AGBL4: variants seen among roughly 807,000 people sequenced by gnomAD.
AGBL4 encodes cytosolic carboxypeptidase 6.
AGBL4 carries 58 observed loss-of-function variants against 66.4 expected under a neutral mutation model. That is an observed-to-expected ratio of 0.87 (90% CI 0.71 to 1.09). The LOEUF is 1.09. AGBL4 is among the 50% of genes least tolerant of loss of function. The pLI, the probability that AGBL4 is intolerant of heterozygous loss-of-function variation, is 0.00. For missense variants in AGBL4, 579 were observed against 631.0 expected (o/e 0.92, Z 0.88); for synonymous variants, 234 against 222.9 (o/e 1.05, Z -0.44).
intron 9 of AGBL4, 118 bp downstream of exon 9, chr1:48,634,375 C>A (rs1645635403): frequency 1.3e-6 from 1 of 767,914 alleles, no homozygotes; most frequent in Non-Finnish European, 2.1e-6. Flanking sequence ...CTAGTGCCTC[C>A]CTGGTTTTAG....
chr1:49,672,361 G>A (rs943250884), intron 3 of AGBL4, among the ~76,000 whole-genome samples: 1 of 151,886 alleles, frequency 6.6e-6, no homozygotes, highest in Admixed American at 6.6e-5. Flanking sequence ...GTGGGAGGAG[G>A]AAGAGGAGCA....
intron 2 of AGBL4, among the ~76,000 whole-genome samples, chr1:49,769,397 A>C (rs1367672806): frequency 6.6e-6 from 1 of 152,200 alleles, no homozygotes; most frequent in Non-Finnish European, 1.5e-5. Flanking sequence ...TGCCCAAAGC[A>C]AATTAAAAAT....
At chr1:49,677,849 A>G (rs1448957298) in intron 3 of AGBL4, among the ~76,000 whole-genome samples, 1 of 152,152 alleles carries the variant, frequency 6.6e-6, no homozygotes, top group Non-Finnish European at 1.5e-5. Flanking sequence ...GTGAACACAC[A>G]GCAAGAAGGT....
intron 3 of AGBL4, among the ~76,000 whole-genome samples, chr1:49,334,100 T>C (rs887993869): frequency 6.6e-6 from 1 of 152,206 alleles, no homozygotes; most frequent in Non-Finnish European, 1.5e-5. Context: ...CCTGAAGTCA[T>C]GTGCAAGCTG....
chr1:49,426,404 T>C (rs1284395987), intron 3 of AGBL4, among the ~76,000 whole-genome samples: 1 of 152,206 alleles, frequency 6.6e-6, no homozygotes, highest in Non-Finnish European at 1.5e-5. Flanking sequence ...ATTCTGGCCC[T>C]TTCTCCATTT....
intron 6 of AGBL4, among the ~76,000 whole-genome samples, chr1:48,847,753 A>ATTGGG: frequency 6.6e-6 from 1 of 152,160 alleles, no homozygotes; most frequent in Non-Finnish European, 1.5e-5. Flanking sequence ...AGAAATATGT[A>ATTGGG]TTGGGTTGAA....
rs1401914294 is a variant in AGBL4 at position 49,256,873 on chromosome 1, T to C, written c.283-11009A>G. On this transcript the variant is annotated intron_variant, in intron 3 of 13. Coordinates refer to ENST00000371839, the MANE Select transcript of AGBL4 (RefSeq NM_032785.4). ...ACAATATCGTAGATCAGATGAAAAT[T>C]TGAACTATAAATGAATGGTCCTGGA... Among the ~76,000 whole-genome samples the C allele has an allele frequency of 2.6e-5, 4 of 152,112 alleles. No individual in the cohort carries two copies. The South Asian group carries it at 8.3e-4, about 31-fold the overall frequency.
intron 3 of AGBL4, among the ~76,000 whole-genome samples, chr1:49,447,247 AG>A (rs1332699611): frequency 6.6e-6 from 1 of 152,192 alleles, no homozygotes; most frequent in Non-Finnish European, 1.5e-5. Flanking sequence ...AGCCCCAAAC[AG>A]GGAGGTCACA....
intron 5 of AGBL4, among the ~76,000 whole-genome samples, chr1:48,871,496 A>G (rs897549632): frequency 2.2e-4 from 34 of 151,980 alleles, no homozygotes; most frequent in Non-Finnish European, 1.3e-4. Flanking sequence ...GTGGGATTCT[A>G]TGGACTACTG....
intron 3 of AGBL4, among the ~76,000 whole-genome samples, chr1:49,678,532 T>C (rs935836721): frequency 4.6e-5 from 7 of 152,138 alleles, no homozygotes; most frequent in Non-Finnish European, 4.4e-5. Flanking sequence ...TATGATTTCT[T>C]TGAAGGAAGG....
intron 11 of AGBL4, among the ~76,000 whole-genome samples, chr1:48,578,037 G>A (rs1644681442): frequency 6.6e-6 from 1 of 152,012 alleles, no homozygotes; most frequent in African/African-American, 2.4e-5. Flanking sequence ...TGATTTTTTT[G>A]GGCTTCAATT....
chr1:48,957,874 A>T (rs1657612252), intron 5 of AGBL4, among the ~76,000 whole-genome samples: 1 of 152,192 alleles, frequency 6.6e-6, no homozygotes, highest in Non-Finnish European at 1.5e-5. Context: ...TTTCCAAAAC[A>T]CAACTCTGAC....
At chr1:49,039,077 G>A (rs1466822922) in intron 5 of AGBL4, among the ~76,000 whole-genome samples, 5 of 152,036 alleles carry the variant, frequency 3.3e-5, no homozygotes, top group Admixed American at 6.6e-5. Context: ...GTCACGAAGC[G>A]AAAGAAGCCA....
chr1:48,877,937 G>GGGCTTCATCTCTCTCTC (rs1484808087), intron 5 of AGBL4, among the ~76,000 whole-genome samples: 1 of 152,090 alleles, frequency 6.6e-6, no homozygotes, highest in African/African-American at 2.4e-5. Flanking sequence ...TTGAACAAAT[G>GGGCTTCATCTCTCTCTC]ACTTCATCTC....
chr1:49,245,419 G>A (rs1651562575), intron 4 of AGBL4, among the ~76,000 whole-genome samples: 1 of 151,162 alleles, frequency 6.6e-6, no homozygotes, highest in Non-Finnish European at 1.5e-5. Flanking sequence ...CTTTATTTAT[G>A]TTTCCAAAGA....
At chr1:48,946,163 T>C (rs969845400) in intron 5 of AGBL4, among the ~76,000 whole-genome samples, 1 of 152,148 alleles carries the variant, frequency 6.6e-6, no homozygotes, top group Non-Finnish European at 1.5e-5. Context: ...GTTATCTTAG[T>C]TGTTAATGTC....
At chr1:49,224,843 G>A (rs1198507113) in intron 4 of AGBL4, among the ~76,000 whole-genome samples, 2 of 152,098 alleles carry the variant, frequency 1.3e-5, no homozygotes, top group Middle Eastern at 3.2e-3. Context: ...GAGAAAGTGG[G>A]GTTGGGATAA....
At chr1:49,386,809 A>G (rs1644745747) in intron 3 of AGBL4, among the ~76,000 whole-genome samples, 1 of 151,938 alleles carries the variant, frequency 6.6e-6, no homozygotes, top group Non-Finnish European at 1.5e-5. Flanking sequence ...GGAACTTCAA[A>G]TTGGCTCTAT....
intron 3 of AGBL4, among the ~76,000 whole-genome samples, chr1:49,581,155 T>C (rs1370619183): frequency 1.3e-5 from 2 of 152,094 alleles, no homozygotes; most frequent in East Asian, 1.9e-4. Context: ...TGCACATATT[T>C]TATATTTACT....
Sources: allele counts gnomAD v4.1 joint callset (sites outside exome capture counted in the v4.1 genomes callset), GRCh38; gene constraint gnomAD v4.1.1; transcripts MANE v1.5; gene names NCBI Gene and HGNC (gene_info 2026-07-23, HGNC 2026-07-21).